The following DPYD variants were observed in gnomAD, a reference collection of about 807,000 sequenced individuals.
DPYD encodes dihydropyrimidine dehydrogenase [NADP(+)].
A neutral mutation model predicts 116.2 loss-of-function variants in DPYD; 109 were observed. That is an observed-to-expected ratio of 0.94 (90% CI 0.80 to 1.10). The LOEUF (loss-of-function observed/expected upper bound fraction) is 1.10. Among genes scored for constraint, DPYD ranks in the 50% least tolerant of loss-of-function variants. DPYD has a pLI of 0.00. For missense variants in DPYD, 1,302 were observed against 1,254.5 expected (o/e 1.04, Z -0.57); for synonymous variants, 440 against 432.0 (o/e 1.02, Z -0.23).
intron 12 of DPYD, among the ~76,000 whole-genome samples, chr1:97,525,392 C>T (rs1648979191): frequency 6.6e-6 from 1 of 152,130 alleles, no homozygotes; most frequent in African/African-American, 2.4e-5. Context: ...AAAAAACCTC[C>T]TCAGCTTCCC....
At chr1:97,918,034 G>C (rs1053710264) in intron 1 of DPYD, among the ~76,000 whole-genome samples, 1 of 152,110 alleles carries the variant, frequency 6.6e-6, no homozygotes, top group Non-Finnish European at 1.5e-5. Flanking sequence ...TCCCAGGAGA[G>C]TTTGTATTAA....
intron 20 of DPYD, among the ~76,000 whole-genome samples, chr1:97,141,336 A>C (rs1163821286): frequency 6.6e-6 from 1 of 151,720 alleles, no homozygotes; most frequent in Non-Finnish European, 1.5e-5. Context: ...TACCTTACTT[A>C]CCTCCCTGAC....
At chr1:97,875,044 G>C (rs1490683920) in intron 2 of DPYD, among the ~76,000 whole-genome samples, 2 of 151,868 alleles carry the variant, frequency 1.3e-5, no homozygotes, top group Non-Finnish European at 2.9e-5. Flanking sequence ...ATTGTTTCAT[G>C]CAGAAATGAA....
chr1:97,573,960 G>A lies in DPYD; in HGVS notation c.1139C>T (p.Ala380Val), dbSNP rs1354585423. 6.2e-7 allele frequency: 1 copy of A among 1,613,386 alleles called. No homozygotes were observed. The highest frequency in any genetic ancestry group is 2.2e-5 in the East Asian group (1 of 44,834). The change falls in exon 11 of 23, where the codon GCT becomes GTT. Residue 380 changes from alanine to valine, a missense_variant. Coordinates refer to ENST00000370192, the MANE Select transcript of DPYD (RefSeq NM_000110.4). The part of the protein sequence containing the change: ...IRAVPEEMEL[A>V]KEEKCEFLPF... The stretch of plus-strand genomic sequence containing the variant: ...CAGAAATTCACACTTTTCTTCCTTA[G>A]CAAGTTCCATCTAAAACAAAACAGA...
rs113162077 is a variant in DPYD at position 97,343,472 on chromosome 1, T to A, written c.2058+30089A>T. On this transcript the variant is annotated intron_variant, in intron 16 of 22. Transcript: ENST00000370192. ...AAATACAGAAAATGAAAGTGTAGTA[T>A]AAGAAATCATGCTATTTAAAATAAA... Among the ~76,000 whole-genome samples the A allele has an allele frequency of 1.6e-3, 250 of 152,206 alleles. 1 individual carries two copies. Among genetic ancestry groups the A allele is most frequent in the African/African-American group, 5.9e-3 (244 of 41,562 alleles).
intron 20 of DPYD, among the ~76,000 whole-genome samples, chr1:97,127,536 T>C (rs1179365327): frequency 1.3e-5 from 2 of 152,126 alleles, no homozygotes; most frequent in Non-Finnish European, 2.9e-5. Context: ...TATTATTTTA[T>C]GACATTCTAA....
chr1:97,720,577 G>T, intron 5 of DPYD: 1 of 1,074,032 alleles, frequency 9.3e-7, no homozygotes, highest in Non-Finnish European at 1.1e-6. Context: ...AAAGCAGGAA[G>T]GGAATAACCC....
chr1:97,741,945 C>T (rs1195172097), intron 3 of DPYD, among the ~76,000 whole-genome samples: 1 of 152,050 alleles, frequency 6.6e-6, no homozygotes, highest in Non-Finnish European at 1.5e-5. Context: ...CAGTGGGATT[C>T]TGAGTGCAGG....
At chr1:97,884,761 G>C (rs1030300241) in intron 1 of DPYD, among the ~76,000 whole-genome samples, 3 of 152,008 alleles carry the variant, frequency 2.0e-5, no homozygotes, top group Non-Finnish European at 4.4e-5. Context: ...AACTGTGAAT[G>C]TGTTGAGTTG....
chr1:97,446,255 A>C (rs1676082091), intron 14 of DPYD, among the ~76,000 whole-genome samples: 1 of 152,186 alleles, frequency 6.6e-6, no homozygotes, highest in African/African-American at 2.4e-5. Flanking sequence ...GTATATTTTA[A>C]GTGAGATAGT....
At chr1:97,298,875 T>G (rs991192716) in intron 18 of DPYD, among the ~76,000 whole-genome samples, 1 of 152,166 alleles carries the variant, frequency 6.6e-6, no homozygotes, top group Admixed American at 6.6e-5. Context: ...TAGGACTCTT[T>G]TCCTTATCAT....
At chr1:97,721,705 T>A in intron 4 of DPYD, 34 bp from the exon 5 acceptor site, 1 of 1,592,928 alleles carries the variant, frequency 6.3e-7, no homozygotes. Context: ...ATTTTACTAC[T>A]TAAAAATATA....
intron 7 of DPYD, among the ~76,000 whole-genome samples, chr1:97,679,487 G>T (rs111620983): frequency 2.0e-5 from 3 of 152,040 alleles, no homozygotes; most frequent in African/African-American, 7.3e-5. Flanking sequence ...ATAATAAGAC[G>T]ATAAATAAGA....
chr1:97,779,363 G>A (rs1364893515), intron 3 of DPYD, among the ~76,000 whole-genome samples: 1 of 151,766 alleles, frequency 6.6e-6, no homozygotes, highest in Admixed American at 6.6e-5. Context: ...TAGATTTGAA[G>A]AAAGTACAGG....
chr1:97,506,606 G>T (rs1647347266), intron 13 of DPYD, among the ~76,000 whole-genome samples: 1 of 151,810 alleles, frequency 6.6e-6, no homozygotes. Context: ...AGCTAACCCA[G>T]ATCAAAATTG....
chr1:97,478,819 G>A (rs2101874771), intron 13 of DPYD, among the ~76,000 whole-genome samples: 1 of 152,304 alleles, frequency 6.6e-6, no homozygotes, highest in East Asian at 1.9e-4. Flanking sequence ...ACCTTCATCA[G>A]TTCTCTTAGC....
chr1:97,584,634 T>C (rs920663012), intron 10 of DPYD, among the ~76,000 whole-genome samples: 1 of 151,572 alleles, frequency 6.6e-6, no homozygotes, highest in African/African-American at 2.4e-5. Context: ...AAATGATGAG[T>C]TCATGTCCTT....
At position 97,883,355 on chromosome 1, in the gene DPYD, G is replaced by C. The variant is rs753217888; in HGVS notation, c.59C>G (p.Pro20Arg). 3.1e-6 allele frequency: 5 copies of C among 1,610,876 alleles called. No individual in the cohort carries two copies. Among genetic ancestry groups the C allele is most frequent in the Middle Eastern group, 1.7e-4 (1 of 6,052 alleles). ...ADIESILALNPRTQTHATLCS... is the reference protein window; with the variant it reads ...ADIESILALNRRTQTHATLCS... ...CAGAGTTGCATGAGTTTGTGTTCGAGGATTTAAAGCCAGGATACTCTAAAG... is the reference window on the plus strand; with the variant it reads ...CAGAGTTGCATGAGTTTGTGTTCGACGATTTAAAGCCAGGATACTCTAAAG... The change falls in exon 2 of 23, where the codon CCT (proline) becomes CGT (arginine). Residue 20 changes from proline (P) to arginine (R), a missense_variant. Physicochemically the swap from Pro to Arg is moderately radical, Grantham distance 103 (BLOSUM62 -2). Coordinates refer to ENST00000370192, the MANE Select transcript of DPYD (RefSeq NM_000110.4).
intron 3 of DPYD, among the ~76,000 whole-genome samples, chr1:97,812,602 A>G (rs969650282): frequency 3.9e-5 from 6 of 152,116 alleles, no homozygotes; most frequent in Non-Finnish European, 7.4e-5. Context: ...AGGATACAAA[A>G]TATAAAACTT....
Sources: allele counts gnomAD v4.1 joint callset (sites outside exome capture counted in the v4.1 genomes callset), GRCh38; gene constraint gnomAD v4.1.1; transcripts MANE v1.5; gene names NCBI Gene and HGNC (gene_info 2026-07-23, HGNC 2026-07-21).